PTPRD: variants seen among roughly 807,000 people sequenced by gnomAD.
PTPRD encodes protein tyrosine phosphatase receptor type D, also known as receptor-type tyrosine-protein phosphatase delta.
PTPRD carries 34 observed loss-of-function variants against 214.5 expected under a neutral mutation model. The observed-to-expected ratio is 0.16, with a 90% CI of 0.12 to 0.21. The LOEUF (loss-of-function observed/expected upper bound fraction) is 0.21. PTPRD is among the 10% of genes least tolerant of loss of function. The probability of loss-of-function intolerance (pLI) is 1.00; values close to 1 mark genes in which losing one functional copy is unlikely to be tolerated. For missense variants in PTPRD, 2,545 were observed against 2,398.7 expected (o/e 1.06, Z -1.27); for synonymous variants, 1,128 against 845.7 (o/e 1.33, Z -5.79).
chr9:8,439,057 C>T (rs180799423), intron 34 of PTPRD, among the ~76,000 whole-genome samples: 172 of 152,214 alleles, frequency 1.1e-3, no homozygotes, highest in African/African-American at 3.9e-3. Context: ...GATATCACAG[C>T]ATTAAAGAAT....
intron 5 of PTPRD, among the ~76,000 whole-genome samples, chr9:9,774,526 A>T (rs985645550): frequency 2.0e-5 from 3 of 152,158 alleles, no homozygotes; most frequent in Non-Finnish European, 4.4e-5. Context: ...TGTCTGATTA[A>T]TCTCATAGTG....
chr9:8,573,190 C>T (rs779422512), intron 14 of PTPRD, among the ~76,000 whole-genome samples: 44 of 151,862 alleles, frequency 2.9e-4, no homozygotes, highest in Non-Finnish European at 5.0e-4. Flanking sequence ...CTCAGTGCTG[C>T]CATTTTAACA....
At chr9:8,714,600 C>T (rs187916653) in intron 12 of PTPRD, among the ~76,000 whole-genome samples, 87 of 152,314 alleles carry the variant, frequency 5.7e-4, no homozygotes, top group Middle Eastern at 3.4e-3. Flanking sequence ...ATTCCTAGAA[C>T]CTGCTAGTCA....
At chr9:8,918,150 G>T (rs1263468827) in intron 11 of PTPRD, among the ~76,000 whole-genome samples, 1 of 152,120 alleles carries the variant, frequency 6.6e-6, no homozygotes, top group South Asian at 2.1e-4. Context: ...ACTGAGAAAG[G>T]TTGCTTATTT....
chr9:9,199,760 G>A (rs1221953682), intron 9 of PTPRD, among the ~76,000 whole-genome samples: 1 of 151,882 alleles, frequency 6.6e-6, no homozygotes, highest in African/African-American at 2.4e-5. Context: ...TTTCAAAAAT[G>A]ATTTTATTAG....
intron 3 of PTPRD, among the ~76,000 whole-genome samples, chr9:10,229,349 T>C (rs563468894): frequency 1.4e-4 from 21 of 152,164 alleles, no homozygotes; most frequent in African/African-American, 5.1e-4. Context: ...ATCCCATTAC[T>C]GGGTATATAC....
intron 11 of PTPRD, among the ~76,000 whole-genome samples, chr9:8,782,456 C>T (rs920396269): frequency 1.3e-5 from 2 of 152,160 alleles, no homozygotes; most frequent in Non-Finnish European, 2.9e-5. Flanking sequence ...CTCCTCCTAT[C>T]TAACTGTAAT....
At chr9:8,754,662 T>G (rs2093825571) in intron 11 of PTPRD, among the ~76,000 whole-genome samples, 1 of 152,214 alleles carries the variant, frequency 6.6e-6, no homozygotes, top group Non-Finnish European at 1.5e-5. Context: ...CACAAAAGAA[T>G]ATCTTTGTAG....
At chr9:10,565,792 T>C (rs530964713) in intron 2 of PTPRD, among the ~76,000 whole-genome samples, 40 of 151,980 alleles carry the variant, frequency 2.6e-4, no homozygotes, top group African/African-American at 9.6e-4. Flanking sequence ...ACACATTTAC[T>C]TCATCACTTT....
intron 2 of PTPRD, among the ~76,000 whole-genome samples, chr9:10,451,202 T>C (rs1021486790): frequency 6.6e-6 from 1 of 151,924 alleles, no homozygotes; most frequent in East Asian, 1.9e-4. Context: ...AGATACCAAT[T>C]TGAGGCTCTA....
intron 9 of PTPRD, among the ~76,000 whole-genome samples, chr9:9,257,674 C>A (rs766986874): frequency 2.6e-5 from 4 of 151,848 alleles, no homozygotes; most frequent in Non-Finnish European, 5.9e-5. Context: ...TAATGTGTGC[C>A]TACAGTCCCA....
intron 3 of PTPRD, among the ~76,000 whole-genome samples, chr9:10,068,265 G>A (rs962070346): frequency 6.6e-6 from 1 of 151,874 alleles, no homozygotes; most frequent in Non-Finnish European, 1.5e-5. Context: ...TGTGGAAAAG[G>A]TGGTGAAAAG....
rs548440143 is a variant in PTPRD at position 8,483,481 on chromosome 9, G to A, written c.3413+638C>T. On this transcript the variant is annotated intron_variant, in intron 30 of 45. Coordinates refer to ENST00000381196, the MANE Select transcript of PTPRD (RefSeq NM_002839.4). ...AAAATGCTTTGTAGTAGCCGGGCGC[G>A]GTGGCTCATGCCTATAATCCTAGCA... Among the ~76,000 whole-genome samples, 27 of 152,176 alleles carry A rather than the reference G, an allele frequency of 1.8e-4. No homozygotes were observed. In the East Asian group the frequency reaches 2.1e-3, roughly 12 times the overall value.
rs575155155 is a variant in PTPRD at position 9,317,976 on chromosome 9, A to G, written c.-203+79473T>C. Among the ~76,000 whole-genome samples the G allele has an allele frequency of 2.6e-5, 4 of 152,246 alleles. No individual in the cohort carries two copies. The South Asian group carries it at 8.3e-4, about 32-fold the overall frequency. Reference sequence around the variant, plus strand: ...CACTTGAGGTCTGGAGTTCAAGACCAGCCTGATCAACATGGAGAAACCGTG... The same window carrying G: ...CACTTGAGGTCTGGAGTTCAAGACCGGCCTGATCAACATGGAGAAACCGTG... On this transcript the variant is annotated intron_variant, in intron 9 of 45. Transcript: ENST00000381196.
At chr9:8,823,708 G>A (rs1171873086) in intron 11 of PTPRD, among the ~76,000 whole-genome samples, 2 of 152,152 alleles carry the variant, frequency 1.3e-5, no homozygotes, top group East Asian at 1.9e-4. Flanking sequence ...GGAAAGGAAA[G>A]GCGGAAGGAA....
chr9:9,668,691 T>A (rs938934755), intron 7 of PTPRD, among the ~76,000 whole-genome samples: 7 of 152,188 alleles, frequency 4.6e-5, no homozygotes, highest in Admixed American at 4.6e-4. Context: ...CTTTTACCTA[T>A]TTATTTTTAT....
intron 10 of PTPRD, among the ~76,000 whole-genome samples, chr9:9,144,580 C>T (rs537327546): frequency 2.6e-5 from 4 of 151,892 alleles, no homozygotes; most frequent in African/African-American, 7.3e-5. Context: ...GATGAAACCC[C>T]GTCTCTACTA....
At chr9:9,438,196 A>T (rs1402744577) in intron 8 of PTPRD, among the ~76,000 whole-genome samples, 1 of 152,192 alleles carries the variant, frequency 6.6e-6, no homozygotes, top group Non-Finnish European at 1.5e-5. Context: ...GCATCATATT[A>T]TGAGGTATTA....
chr9:10,591,194 G>A (rs566786910), intron 2 of PTPRD, among the ~76,000 whole-genome samples: 2 of 152,048 alleles, frequency 1.3e-5, no homozygotes, highest in African/African-American at 4.8e-5. Flanking sequence ...AAAAGGCAGG[G>A]TGGCATTTCT....
Sources: gnomAD v4.1 joint callset for allele counts (sites outside exome capture counted in the v4.1 genomes callset) on GRCh38, gnomAD v4.1.1 for gene constraint, MANE v1.5 for transcripts, NCBI Gene and HGNC (gene_info 2026-07-23, HGNC 2026-07-21) for gene names.